The following KBTBD12 variants were observed in gnomAD, a reference collection of about 807,000 sequenced individuals.
The protein encoded by KBTBD12 is kelch repeat and BTB domain containing 12.
Under a neutral mutation model 58.7 loss-of-function variants are expected in KBTBD12, and 53 were observed. The ratio of observed to expected loss-of-function variants is 0.90; its 90% CI spans 0.72 to 1.14. KBTBD12 has a LOEUF of 1.14. Ranked by LOEUF, KBTBD12 falls within the 50% of genes most tolerant of loss-of-function variation. The probability of loss-of-function intolerance (pLI) is 0.00; values close to 1 mark genes in which losing one functional copy is unlikely to be tolerated. For synonymous variants in KBTBD12, 236 were observed against 259.8 expected, an observed-to-expected ratio of 0.91 and a Z score of 0.88; for missense variants, 704 against 751.3, an observed-to-expected ratio of 0.94 and a Z score of 0.74.
At chr3:127,949,966 A>G (rs1165765342) in intron 4 of KBTBD12, among the ~76,000 whole-genome samples, 4 of 152,222 alleles carry the variant, frequency 2.6e-5, no homozygotes, top group African/African-American at 9.6e-5. Flanking sequence ...TAATCACTAA[A>G]TTATGACTTG....
chr3:127,961,136 C>A (rs2107608990), intron 4 of KBTBD12, among the ~76,000 whole-genome samples: 1 of 152,328 alleles, frequency 6.6e-6, no homozygotes, highest in Admixed American at 6.5e-5. Flanking sequence ...AAACAGACAA[C>A]TAGATCATCT....
At chr3:127,959,729 T>G (rs757959809) in intron 4 of KBTBD12, among the ~76,000 whole-genome samples, 1 of 152,242 alleles carries the variant, frequency 6.6e-6, no homozygotes, top group Non-Finnish European at 1.5e-5. Context: ...AGTTCCTCCT[T>G]ACCCTTCTCC....
At chr3:127,942,937 T>C (rs1408156383) in intron 4 of KBTBD12, among the ~76,000 whole-genome samples, 1 of 152,078 alleles carries the variant, frequency 6.6e-6, no homozygotes, top group East Asian at 1.9e-4. Context: ...GCATGCTGGC[T>C]TTATAACAAC....
chr3:127,918,824 A>C (rs1245997439), intron 1 of KBTBD12, among the ~76,000 whole-genome samples: 1 of 152,218 alleles, frequency 6.6e-6, no homozygotes, highest in Non-Finnish European at 1.5e-5. Context: ...AAGGAAAGTC[A>C]GGAGACGAGG....
rs373265656 is a variant in KBTBD12 at position 127,933,971 on chromosome 3, A to C, written c.1492+3688A>C. 5.9e-5 allele frequency among the ~76,000 whole-genome samples: 9 copies of C among 152,290 alleles called. 2 individuals are homozygous for C. The highest frequency in any genetic ancestry group is 6.5e-5 in the Admixed American group (1 of 15,294). On this transcript the variant is annotated intron_variant, in intron 4 of 5. Coordinates refer to ENST00000405109, the MANE Select transcript of KBTBD12 (RefSeq NM_207335.4). ...AGGAAAACAATAAAATCAGGATAAA[A>C]AGTTGCCACAATATATTATCCATAA...
At chr3:127,943,764 G>A (rs1940010730) in intron 4 of KBTBD12, among the ~76,000 whole-genome samples, 1 of 151,862 alleles carries the variant, frequency 6.6e-6, no homozygotes, top group Admixed American at 6.6e-5. Context: ...AATTGCCAAG[G>A]CCAATGTCAA....
At chr3:127,961,411 A>T (rs1475863426) in intron 4 of KBTBD12, among the ~76,000 whole-genome samples, 1 of 152,202 alleles carries the variant, frequency 6.6e-6, no homozygotes, top group Non-Finnish European at 1.5e-5. Flanking sequence ...ATAAGAGAGA[A>T]GGCAGCTAAA....
chr3:127,974,652 G>C (rs190877989), intron 5 of KBTBD12, among the ~76,000 whole-genome samples: 4 of 152,074 alleles, frequency 2.6e-5, no homozygotes, highest in African/African-American at 9.7e-5. Context: ...TTTCCCCTCC[G>C]GACCACTTGG....
intron 4 of KBTBD12, among the ~76,000 whole-genome samples, chr3:127,936,757 A>G (rs1216237613): frequency 1.3e-5 from 2 of 152,158 alleles, no homozygotes; most frequent in African/African-American, 2.4e-5. Flanking sequence ...CTGGTACTTC[A>G]AAGAGCTATA....
At chr3:127,956,607 C>T (rs887959898) in intron 4 of KBTBD12, among the ~76,000 whole-genome samples, 4 of 152,152 alleles carry the variant, frequency 2.6e-5, no homozygotes, top group African/African-American at 9.7e-5. Context: ...TTAGAAGCTT[C>T]TACAGTGTGA....
At position 127,983,480 on chromosome 3, in the gene KBTBD12, C is replaced by T. The variant is rs1033845184; in HGVS notation, c.1691-617C>T. ...TGTTAAAAATAGTCTGGCAACCGGG[C>T]GTGGTGGCTCACGCCTGTAATCCCA... On this transcript the variant is annotated intron_variant, in intron 5 of 5. Coordinates refer to ENST00000405109, the MANE Select transcript of KBTBD12 (RefSeq NM_207335.4). Among the ~76,000 whole-genome samples, 4 of 152,096 alleles carry T rather than the reference C, an allele frequency of 2.6e-5. No individual in the cohort carries two copies. In the South Asian group the frequency reaches 6.2e-4, roughly 24 times the overall value.
At chr3:127,952,900 A>C (rs1368655900) in intron 4 of KBTBD12, among the ~76,000 whole-genome samples, 3 of 152,200 alleles carry the variant, frequency 2.0e-5, no homozygotes, top group Non-Finnish European at 4.4e-5. Flanking sequence ...ATGTGTACAA[A>C]GGTTTCCCAG....
intron 1 of KBTBD12, among the ~76,000 whole-genome samples, chr3:127,919,181 A>G (rs1939336085): frequency 6.6e-6 from 1 of 152,172 alleles, no homozygotes; most frequent in African/African-American, 2.4e-5. Context: ...TATCATGATT[A>G]TAAGCTACTC....
intron 1 of KBTBD12, among the ~76,000 whole-genome samples, chr3:127,920,250 T>C (rs1192052388): frequency 1.3e-5 from 2 of 152,188 alleles, no homozygotes; most frequent in African/African-American, 4.8e-5. Context: ...ATCATCAGTA[T>C]TTACTCTATT....
In KBTBD12 at chr3:127,984,466, A is replaced by G. The variant is rs1230876031; in HGVS notation, c.*188A>G. Reference sequence around the variant, plus strand: ...CTCCCTTCAGGGACTTCCCAGCCTGATAGGGTAAATAAGACACTACAAAGA... The same window carrying G: ...CTCCCTTCAGGGACTTCCCAGCCTGGTAGGGTAAATAAGACACTACAAAGA... On this transcript the variant is annotated 3_prime_UTR_variant, in exon 6 of 6. Transcript: ENST00000405109. 5 of 555,456 alleles carry G rather than the reference A, an allele frequency of 9.0e-6. No homozygotes were observed. The East Asian group carries it at 1.2e-4, about 14-fold the overall frequency. The allele number at this position is 555,456 out of a possible 1,614,324, so 34.4% of individuals were successfully genotyped here.
chr3:127,930,940 A>C (rs903119448), intron 4 of KBTBD12, among the ~76,000 whole-genome samples: 1 of 152,104 alleles, frequency 6.6e-6, no homozygotes, highest in Non-Finnish European at 1.5e-5. Context: ...TTAAGTCCTT[A>C]GCTCTTTTAA....
At chr3:127,957,873 C>T (rs1436279132) in intron 4 of KBTBD12, among the ~76,000 whole-genome samples, 1 of 152,128 alleles carries the variant, frequency 6.6e-6, no homozygotes, top group African/African-American at 2.4e-5. Context: ...TCATAGGAAC[C>T]TTGATTTCTG....
At chr3:127,928,239 G>T (rs1939623362) in intron 3 of KBTBD12, 1 of 555,484 alleles carries the variant, frequency 1.8e-6, no homozygotes, top group Non-Finnish European at 3.2e-6. Context: ...TCATAGACAT[G>T]ACTTGATTCA....
At chr3:127,969,253 C>T (rs908224987) in intron 5 of KBTBD12, among the ~76,000 whole-genome samples, 2 of 151,360 alleles carry the variant, frequency 1.3e-5, no homozygotes, top group Admixed American at 6.6e-5. Flanking sequence ...GACCATACGC[C>T]AAAAAATTGT....
Sources: allele counts gnomAD v4.1 joint callset (sites outside exome capture counted in the v4.1 genomes callset), GRCh38; gene constraint gnomAD v4.1.1; transcripts MANE v1.5; gene names NCBI Gene and HGNC (gene_info 2026-07-23, HGNC 2026-07-21).